The following TMEM200A variants were observed in gnomAD, a reference collection of about 807,000 sequenced individuals.
TMEM200A encodes the protein transmembrane protein 200A.
Under a neutral mutation model 24.3 loss-of-function variants are expected in TMEM200A, and 12 were observed. That is an observed-to-expected ratio of 0.49 (90% confidence interval 0.32 to 0.80). The LOEUF is 0.80. Ranked by LOEUF, TMEM200A falls within the 30% of genes least tolerant of loss-of-function variation. The pLI is 0.04. For missense variants in TMEM200A, 545 were observed against 614.4 expected, an observed-to-expected ratio of 0.89 and a Z score of 1.19; for synonymous variants, 224 against 224.4, an observed-to-expected ratio of 1.00 and a Z score of 0.02.
chr6:130,399,372 C>A (rs7755542), intron 2 of TMEM200A, among the ~76,000 whole-genome samples: 1 of 151,836 alleles, frequency 6.6e-6, no homozygotes, highest in South Asian at 2.1e-4. Flanking sequence ...CCCATCCTTT[C>A]TACTGATTCC....
intron 2 of TMEM200A, among the ~76,000 whole-genome samples, chr6:130,424,098 CTTCT>C (rs538184170): frequency 2.7e-5 from 4 of 148,356 alleles, no homozygotes; most frequent in Non-Finnish European, 6.0e-5. Context: ...TTCATAAAGT[CTTCT>C]TTCTTTCTCA....
chr6:130,409,816 A>C (rs1489602771), intron 2 of TMEM200A, among the ~76,000 whole-genome samples: 1 of 151,574 alleles, frequency 6.6e-6, no homozygotes, highest in African/African-American at 2.4e-5. Flanking sequence ...TTATGTATGA[A>C]AGGCACTTCC....
chr6:130,399,675 T>A (rs1779037147), intron 2 of TMEM200A, among the ~76,000 whole-genome samples: 1 of 150,712 alleles, frequency 6.6e-6, no homozygotes. Context: ...CAAATTTATT[T>A]ATTATTATTA....
chr6:130,440,978 A>G lies in TMEM200A; in HGVS notation c.556A>G (p.Thr186Ala), dbSNP rs746134252. 2 of 1,614,118 alleles carry G rather than the reference A, an allele frequency of 1.2e-6. No homozygotes were observed. Among genetic ancestry groups the G allele is most frequent in the Non-Finnish European group, 1.7e-6 (2 of 1,180,002 alleles). ...KEQRQMNGMY[T>A]GLMGETEVKQ... is the part of the protein sequence containing the mutation. ...GCAAAGGCAAATGAACGGCATGTACACTGGTTTGATGGGAGAAACAGAAGT... is the reference window on the plus strand; with the variant it reads ...GCAAAGGCAAATGAACGGCATGTACGCTGGTTTGATGGGAGAAACAGAAGT... The change falls in exon 3 of 3, where the codon ACT (threonine) becomes GCT (alanine). Residue 186 changes from threonine (T) to alanine (A), a missense_variant. Thr to Ala is a moderately conservative substitution (Grantham distance 58). Transcript: ENST00000296978.
chr6:130,423,911 T>A (rs1779663206), intron 2 of TMEM200A, among the ~76,000 whole-genome samples: 1 of 152,204 alleles, frequency 6.6e-6, no homozygotes, highest in Admixed American at 6.6e-5. Context: ...TGATAATTTC[T>A]TATAGAAGTG....
chr6:130,379,899 T>C (rs946110242), intron 1 of TMEM200A, among the ~76,000 whole-genome samples: 4 of 152,194 alleles, frequency 2.6e-5, no homozygotes, highest in Non-Finnish European at 4.4e-5. Flanking sequence ...AATTTCTACA[T>C]TTCAGGGTGG....
intron 2 of TMEM200A, among the ~76,000 whole-genome samples, chr6:130,411,171 A>G (rs1258669603): frequency 6.6e-6 from 1 of 151,012 alleles, no homozygotes; most frequent in Non-Finnish European, 1.5e-5. Flanking sequence ...CCATCTCAAA[A>G]AAAAAAAAAA....
chr6:130,394,176 G>A (rs1177636230), intron 2 of TMEM200A, among the ~76,000 whole-genome samples: 2 of 152,158 alleles, frequency 1.3e-5, no homozygotes, highest in Non-Finnish European at 2.9e-5. Flanking sequence ...GATCTTGATT[G>A]TTCTATATTG....
intron 2 of TMEM200A, among the ~76,000 whole-genome samples, chr6:130,440,204 A>C (rs1481520873): frequency 6.6e-6 from 1 of 152,204 alleles, no homozygotes; most frequent in African/African-American, 2.4e-5. Context: ...TTAGCCAAAA[A>C]GGAAATCTCC....
intron 2 of TMEM200A, among the ~76,000 whole-genome samples, chr6:130,434,171 G>A (rs532522068): frequency 1.2e-3 from 186 of 152,334 alleles, no homozygotes; most frequent in Non-Finnish European, 2.4e-3. Context: ...TCAGTTCACA[G>A]TCAACAGATA....
intron 2 of TMEM200A, among the ~76,000 whole-genome samples, chr6:130,386,261 G>A (rs1778710078): frequency 6.6e-6 from 1 of 152,182 alleles, no homozygotes; most frequent in Non-Finnish European, 1.5e-5. Context: ...GTCGGGGTAT[G>A]TGGGAATGTT....
intron 2 of TMEM200A, among the ~76,000 whole-genome samples, chr6:130,393,335 A>G (rs113286638): frequency 1.3e-5 from 2 of 152,248 alleles, no homozygotes; most frequent in African/African-American, 2.4e-5. Flanking sequence ...AAAAAAATTA[A>G]TTCTGACAAT....
At chr6:130,399,095 C>A (rs1160726789) in intron 2 of TMEM200A, among the ~76,000 whole-genome samples, 1 of 151,834 alleles carries the variant, frequency 6.6e-6, no homozygotes, top group African/African-American at 2.4e-5. Flanking sequence ...TTCTCAACAC[C>A]CTGAAGTTCC....
intron 2 of TMEM200A, among the ~76,000 whole-genome samples, chr6:130,430,233 G>A (rs971461781): frequency 6.6e-6 from 1 of 152,024 alleles, no homozygotes; most frequent in African/African-American, 2.4e-5. Flanking sequence ...CATGGTAGAA[G>A]GGGGAAGGGA....
intron 2 of TMEM200A, among the ~76,000 whole-genome samples, chr6:130,421,663 A>G (rs1779593594): frequency 6.6e-6 from 1 of 152,092 alleles, no homozygotes; most frequent in Admixed American, 6.6e-5. Context: ...ATCTTAACGT[A>G]ACTAAGACTT....
At chr6:130,413,189 A>G (rs9492584) in intron 2 of TMEM200A, among the ~76,000 whole-genome samples, 35,969 of 152,100 alleles carry the variant, frequency 0.24, 5,592 homozygotes, top group African/African-American at 0.44. Flanking sequence ...TGATAATCCC[A>G]AGTTTGTATT....
chr6:130,430,944 T>G (rs1779861148), intron 2 of TMEM200A, among the ~76,000 whole-genome samples: 1 of 152,224 alleles, frequency 6.6e-6, no homozygotes, highest in Non-Finnish European at 1.5e-5. Flanking sequence ...TATATTAGTC[T>G]GTGGCTTAAA....
chr6:130,370,655 A>G lies in TMEM200A; in HGVS notation c.-81+4131A>G, dbSNP rs575367643. 2.0e-5 allele frequency among the ~76,000 whole-genome samples: 3 copies of G among 152,298 alleles called. No individual in the cohort carries two copies. In the East Asian group the frequency reaches 5.8e-4, roughly 29 times the overall value. The stretch of plus-strand genomic sequence containing the variant: ...CTCCCAAGCAAGGTATAGCCCAGTG[A>G]TGAAATAATGCCCTCATGTTTAAAC... On this transcript the variant is annotated intron_variant, in intron 1 of 2. Transcript: ENST00000296978.
chr6:130,381,893 C>A (rs1414710981), intron 1 of TMEM200A: 1 of 985,216 alleles, frequency 1.0e-6, no homozygotes, highest in Non-Finnish European at 1.2e-6. Context: ...GGATGGTTAA[C>A]CGACCTGTCT....
Sources: gnomAD v4.1 joint callset for allele counts (sites outside exome capture counted in the v4.1 genomes callset) on GRCh38, gnomAD v4.1.1 for gene constraint, MANE v1.5 for transcripts, NCBI Gene and HGNC (gene_info 2026-07-23, HGNC 2026-07-21) for gene names.